Variants in GRAMD1B observed in about 807,000 individuals in gnomAD.
The protein encoded by GRAMD1B is GRAM domain containing 1B.
A neutral mutation model predicts 99.7 loss-of-function variants in GRAMD1B; 37 were observed. The observed-to-expected ratio is 0.37, with a 90% confidence interval of 0.29 to 0.49. The LOEUF is 0.49. Among genes scored for constraint, GRAMD1B ranks in the 20% least tolerant of loss-of-function variants. GRAMD1B has a pLI of 0.98. For synonymous variants in GRAMD1B, 427 were observed against 387.6 expected (o/e 1.10, Z -1.19); for missense variants, 888 against 1,009.2 (o/e 0.88, Z 1.63).
intron 2 of GRAMD1B, chr11:123,560,300 A>G (rs1946594639): frequency 1.8e-6 from 2 of 1,140,696 alleles, no homozygotes; most frequent in East Asian, 1.3e-4. Flanking sequence ...TCAGAGGGAG[A>G]GAGAGAAAGG....
At chr11:123,602,446 T>C (rs1425315183) in intron 8 of GRAMD1B, among the ~76,000 whole-genome samples, 1 of 152,226 alleles carries the variant, frequency 6.6e-6, no homozygotes, top group African/African-American at 2.4e-5. Flanking sequence ...TGTGTATACA[T>C]GTGCCATGTT....
intron 1 of GRAMD1B, among the ~76,000 whole-genome samples, chr11:123,383,426 C>T (rs1187676295): frequency 1.3e-5 from 2 of 152,154 alleles, no homozygotes; most frequent in African/African-American, 2.4e-5. Context: ...GTTTCCTCAT[C>T]TGTAAAATGT....
intron 2 of GRAMD1B, among the ~76,000 whole-genome samples, chr11:123,561,320 G>A (rs1047851872): frequency 4.6e-5 from 7 of 152,224 alleles, no homozygotes; most frequent in African/African-American, 1.7e-4. Flanking sequence ...GCTGTGGTCA[G>A]GAAGATATGG....
At chr11:123,458,620 T>C (rs900661220) in intron 1 of GRAMD1B, 1 of 152,022 alleles carries the variant, frequency 6.6e-6, no homozygotes, top group Non-Finnish European at 1.5e-5. Flanking sequence ...ATAAAGAATT[T>C]GATGCAAATC....
intron 7 of GRAMD1B, chr11:123,598,473 A>G: frequency 9.3e-7 from 1 of 1,075,590 alleles, no homozygotes; most frequent in Non-Finnish European, 1.5e-6. Flanking sequence ...GTATTCATAG[A>G]TTTGGGCTTC....
intron 2 of GRAMD1B, among the ~76,000 whole-genome samples, chr11:123,557,078 T>C (rs1946257115): frequency 6.6e-6 from 1 of 152,258 alleles, no homozygotes; most frequent in Non-Finnish European, 1.5e-5. Flanking sequence ...TATTAAACTT[T>C]CTACCTCTTC....
At chr11:123,524,082 G>A (rs1942452442) in intron 2 of GRAMD1B, among the ~76,000 whole-genome samples, 3 of 152,216 alleles carry the variant, frequency 2.0e-5, no homozygotes, top group African/African-American at 7.2e-5. Flanking sequence ...TCTGGACCAC[G>A]TGGACATTGG....
At chr11:123,376,239 ACTAAGGTTT>A (rs1946687581) in intron 1 of GRAMD1B, among the ~76,000 whole-genome samples, 2 of 152,198 alleles carry the variant, frequency 1.3e-5, no homozygotes, top group African/African-American at 2.4e-5. Context: ...TCTTAATATA[ACTAAGGTTT>A]CTAATCTTTT....
intron 1 of GRAMD1B, among the ~76,000 whole-genome samples, chr11:123,404,431 A>G (rs1947783750): frequency 6.6e-6 from 1 of 152,208 alleles, no homozygotes; most frequent in African/African-American, 2.4e-5. Context: ...CCTTTATTTG[A>G]CTGTTTTCAA....
At chr11:123,609,560 C>A (rs1953246992) in intron 12 of GRAMD1B, among the ~76,000 whole-genome samples, 1 of 152,226 alleles carries the variant, frequency 6.6e-6, no homozygotes, top group Non-Finnish European at 1.5e-5. Context: ...GCCCCAGGAA[C>A]AATCAGCATT....
intron 1 of GRAMD1B, among the ~76,000 whole-genome samples, chr11:123,425,029 C>T (rs1948598646): frequency 6.6e-6 from 1 of 152,228 alleles, no homozygotes; most frequent in African/African-American, 2.4e-5. Flanking sequence ...TACTGTGTGC[C>T]AAACTCTGTT....
rs776521709 is a variant in GRAMD1B at position 123,594,096 on chromosome 11, C to A, written c.699C>A (p.Thr233=). The A allele has an allele frequency of 7.4e-6, 12 of 1,612,494 alleles. No individual in the cohort carries two copies. In the African/African-American group the frequency reaches 1.6e-4, roughly 22 times the overall value. ...SQSWYNVLSP[T]YKQRNEDFRK... ...TTGTCACGCAGGTGTTAAGCCCCAC[C>A]TACAAGCAGAGAAATGAAGACTTCA... The change falls in exon 5 of 20, where the codon ACC becomes ACA. Residue 233 remains threonine (T), a synonymous_variant. Coordinates refer to ENST00000635736, the MANE Select transcript of GRAMD1B (RefSeq NM_001387025.1).
chr11:123,588,521 G>A (rs1012437810), intron 4 of GRAMD1B, among the ~76,000 whole-genome samples: 1 of 152,194 alleles, frequency 6.6e-6, no homozygotes, highest in Non-Finnish European at 1.5e-5. Context: ...TAAGGATCCA[G>A]AGCCTCCTGG....
rs948279977 is a variant in GRAMD1B at position 123,550,504 on chromosome 11, G to A, written c.453-26863G>A. Among the ~76,000 whole-genome samples the A allele has an allele frequency of 8.5e-5, 13 of 152,244 alleles. No homozygotes were observed. The South Asian group carries it at 1.2e-3, about 15-fold the overall frequency. On this transcript the variant is annotated intron_variant, in intron 2 of 19. Coordinates refer to ENST00000635736, the MANE Select transcript of GRAMD1B (RefSeq NM_001387025.1). ...AGGAACCTAACAATAGTGTTTTCACGCCGTGAGCCCTGCTAACTGGCAAAG... is the reference window on the plus strand; with the variant it reads ...AGGAACCTAACAATAGTGTTTTCACACCGTGAGCCCTGCTAACTGGCAAAG...
At chr11:123,532,186 C>A (rs935294105) in intron 2 of GRAMD1B, among the ~76,000 whole-genome samples, 2 of 152,226 alleles carry the variant, frequency 1.3e-5, no homozygotes, top group African/African-American at 4.8e-5. Flanking sequence ...CACTCCAAGT[C>A]CCCTCAGGCT....
At chr11:123,443,566 T>C (rs1477338845) in intron 1 of GRAMD1B, among the ~76,000 whole-genome samples, 1 of 102,858 alleles carries the variant, frequency 9.7e-6, no homozygotes, top group African/African-American at 4.2e-5. Context: ...GATTTTCTTT[T>C]TTCTCTTTTT....
chr11:123,545,347 C>T (rs1463232130), intron 2 of GRAMD1B, among the ~76,000 whole-genome samples: 2 of 152,198 alleles, frequency 1.3e-5, no homozygotes, highest in Admixed American at 1.3e-4. Flanking sequence ...TTCTGGGCCC[C>T]GGGAATCCGA....
intron 6 of GRAMD1B, among the ~76,000 whole-genome samples, chr11:123,595,583 G>A (rs1951179037): frequency 6.6e-6 from 1 of 152,090 alleles, no homozygotes. Flanking sequence ...TGTGAGCCCT[G>A]TGCCCAGCCT....
Position 123,510,791 on chromosome 11 carries a change from A to G in GRAMD1B, c.452+29898A>G, listed in dbSNP as rs1940915581. On this transcript the variant is annotated intron_variant, in intron 2 of 19. Transcript: ENST00000635736. This position sits in a 1 kb window ranked among gnomAD's most constrained non-coding sequence, Gnocchi z 4.3. ...ACTTTTCTCTCTCCTCCTCTCCCTC[A>G]GCCCGCCACTCGTGAGCATCCAGGG... Among the ~76,000 whole-genome samples the G allele has an allele frequency of 6.6e-6, 1 of 152,108 alleles. No individual in the cohort carries two copies. Among genetic ancestry groups the G allele is most frequent in the South Asian group, 2.1e-4 (1 of 4,822 alleles).
Sources: allele counts gnomAD v4.1 joint callset (sites outside exome capture counted in the v4.1 genomes callset), GRCh38; gene constraint gnomAD v4.1.1; non-coding constraint Gnocchi (gnomAD v3.1); transcripts MANE v1.5; gene names NCBI Gene and HGNC (gene_info 2026-07-23, HGNC 2026-07-21).